The following ZNF564 variants were observed in gnomAD, a reference collection of about 807,000 sequenced individuals.
ZNF564 encodes the protein zinc finger protein 564.
A neutral mutation model predicts 10.5 loss-of-function variants in ZNF564; 5 were observed. That is an observed-to-expected ratio of 0.48 (90% confidence interval 0.25 to 1.00). The LOEUF (loss-of-function observed/expected upper bound fraction) is 1.00. Among genes scored for constraint, ZNF564 ranks in the 50% least tolerant of loss-of-function variants. The probability of loss-of-function intolerance (pLI) is 0.16; values close to 1 mark genes in which losing one functional copy is unlikely to be tolerated. For missense variants in ZNF564, 603 were observed against 669.7 expected, an observed-to-expected ratio of 0.90 and a Z score of 1.10; for synonymous variants, 242 against 218.1, an observed-to-expected ratio of 1.11 and a Z score of -0.97.
Position 12,545,412 on chromosome 19 carries a change from T to C in ZNF564, c.3+5918A>G, listed in dbSNP as rs190381601. ...GGAGTCAGTTTAAGGTTCTGACCTC[T>C]GGTGTCCTTTCTGTGACACCCGAAG... On this transcript the variant is annotated intron_variant, in intron 1 of 3. Transcript: ENST00000339282. Among the ~76,000 whole-genome samples the C allele has an allele frequency of 2.0e-5, 3 of 152,284 alleles. No homozygotes were observed. The East Asian group carries it at 5.8e-4, about 29-fold the overall frequency.
intron 3 of ZNF564, 27 bp downstream of exon 3, chr19:12,528,277 T>C (rs1459648288): frequency 1.3e-6 from 2 of 1,591,410 alleles, no homozygotes; most frequent in African/African-American, 1.4e-5. Flanking sequence ...GAAGGAGACA[T>C]TGCTTTATCT....
chr19:12,551,379 G>C lies in ZNF564; in HGVS notation c.-47C>G, dbSNP rs920010244. 47 of 1,574,484 alleles carry C rather than the reference G, an allele frequency of 3.0e-5. No homozygotes were observed. The highest frequency in any genetic ancestry group is 4.0e-5 in the Non-Finnish European group (47 of 1,160,774). On this transcript the variant is annotated 5_prime_UTR_variant, in exon 1 of 4. Transcript: ENST00000339282. The stretch of plus-strand genomic sequence containing the variant: ...CGGGGTCCTGCCTACGGCTCTCTCC[G>C]GCCTGTGCAGGTCCCAGCGCGCCAG...
intron 1 of ZNF564, among the ~76,000 whole-genome samples, chr19:12,532,407 C>G (rs1284893102): frequency 6.7e-6 from 1 of 150,196 alleles, no homozygotes; most frequent in Non-Finnish European, 1.5e-5. Flanking sequence ...TGGTAGCAGG[C>G]GCCTGTAGTC....
rs2021680369 is a variant in ZNF564 at position 12,526,357 on chromosome 19, G to A, written c.*89C>T. The A allele has an allele frequency of 5.3e-6, 7 of 1,314,748 alleles. No homozygotes were observed. Among genetic ancestry groups the A allele is most frequent in the Admixed American group, 2.4e-5 (1 of 42,386 alleles). 81.4% of individuals were successfully genotyped at this position (1,314,748 alleles called of 1,614,324 possible). A position where few individuals can be genotyped will look rare whatever the true frequency, so the allele number is the denominator to read the frequency against. On this transcript the variant is annotated 3_prime_UTR_variant, in exon 4 of 4. Coordinates refer to ENST00000339282, the MANE Select transcript of ZNF564 (RefSeq NM_144976.4). ...AAAGTGAGAAACAGGAGAAAGGGGT[G>A]AGCTCCCAAACAAGTCTGAAACCCA... is the stretch of plus-strand genomic sequence containing the variant.
chr19:12,545,448 G>A (rs924357741), intron 1 of ZNF564, among the ~76,000 whole-genome samples: 2 of 151,852 alleles, frequency 1.3e-5, no homozygotes, highest in African/African-American at 2.4e-5. Flanking sequence ...TGTAAACACC[G>A]ACCAGTTCTA....
At chr19:12,531,365 G>C (rs570195734) in intron 1 of ZNF564, among the ~76,000 whole-genome samples, 42 of 151,992 alleles carry the variant, frequency 2.8e-4, no homozygotes, top group Non-Finnish European at 5.1e-4. Context: ...TTAGGAGTTT[G>C]AGTCTGACCT....
At position 12,528,614 on chromosome 19, in the gene ZNF564, T is replaced by TAC; in HGVS notation, c.85_86insGT (p.Tyr29CysfsTer5). 3 of 1,614,062 alleles carry TAC rather than the reference T, an allele frequency of 1.9e-6. No homozygotes were observed. The highest frequency in any genetic ancestry group is 2.5e-6 in the Non-Finnish European group (3 of 1,180,006). ...AAAGGTTTCCCGCATCACATCTCTGTAGAGTTTCTTCTGGGAAGGATCCAG... is the reference window on the plus strand; with the variant it reads ...AAAGGTTTCCCGCATCACATCTCTGTACAGAGTTTCTTCTGGGAAGGATCCAG... On this transcript the variant is annotated frameshift_variant, in exon 2 of 4. Coordinates refer to ENST00000339282, the MANE Select transcript of ZNF564 (RefSeq NM_144976.4). LOFTEE classifies it high-confidence loss of function.
intron 1 of ZNF564, among the ~76,000 whole-genome samples, chr19:12,545,736 G>A (rs535489647): frequency 1.3e-5 from 2 of 152,104 alleles, no homozygotes; most frequent in Non-Finnish European, 2.9e-5. Flanking sequence ...GGGAAAGGGG[G>A]GTGGATATAG....
chr19:12,548,925 C>T (rs1258765336), intron 1 of ZNF564: 18 of 700,070 alleles, frequency 2.6e-5, no homozygotes, highest in African/African-American at 5.3e-5. Context: ...GAAATGTATT[C>T]GTTTCTCTGT....
At chr19:12,549,927 G>T (rs1277467441) in intron 1 of ZNF564, among the ~76,000 whole-genome samples, 1 of 152,186 alleles carries the variant, frequency 6.6e-6, no homozygotes, top group East Asian at 1.9e-4. Context: ...TTCCAAAGGG[G>T]AAACTCCACC....
Position 12,527,372 on chromosome 19 carries a change from T to G in ZNF564, c.736A>C (p.Arg246=). Residue 246 remains arginine, a synonymous_variant, in exon 4 of 4, where the codon AGG becomes CGG. Coordinates refer to ENST00000339282, the MANE Select transcript of ZNF564 (RefSeq NM_144976.4). ...SLPSFQRHMI[R]HTGDGPYKCQ... is the part of the protein sequence containing the mutation. ...TTATAAGGTCCATCTCCAGTGTGCC[T>G]AATCATGTGTCTTTGAAAACTTGGA... 6.2e-7 allele frequency: 1 copy of G among 1,614,144 alleles called. No individual in the cohort carries two copies. Among genetic ancestry groups the G allele is most frequent in the South Asian group, 1.1e-5 (1 of 91,070 alleles).
At chr19:12,532,179 A>G (rs1481320472) in intron 1 of ZNF564, among the ~76,000 whole-genome samples, 1 of 151,898 alleles carries the variant, frequency 6.6e-6, no homozygotes, top group Admixed American at 6.6e-5. Context: ...TATTGTGAAT[A>G]GACCCTGCAC....
chr19:12,539,149 G>A (rs532226820), intron 1 of ZNF564, among the ~76,000 whole-genome samples: 31 of 149,362 alleles, frequency 2.1e-4, no homozygotes, highest in African/African-American at 7.4e-4. Flanking sequence ...CAGAAGAATC[G>A]CTTGAATCTA....
In ZNF564 at chr19:12,526,249, C is replaced by T. The variant is rs911814329; in HGVS notation, c.*197G>A. ...CAATTCATGCTGAGGCAAAATTCTT[C>T]TTCAGCTCCGAACCGGTGAAAACCA... On this transcript the variant is annotated 3_prime_UTR_variant, in exon 4 of 4. Coordinates refer to ENST00000339282, the MANE Select transcript of ZNF564 (RefSeq NM_144976.4). 7.7e-6 allele frequency: 4 copies of T among 519,794 alleles called. No homozygotes were observed. The highest frequency in any genetic ancestry group is 3.7e-5 in the Admixed American group (1 of 27,160). The allele number at this position is 519,794 out of a possible 1,614,324, so 32.2% of individuals were successfully genotyped here. A position where few individuals can be genotyped will look rare whatever the true frequency, so the allele number is the denominator to read the frequency against.
chr19:12,540,320 C>G (rs1483299005), intron 1 of ZNF564, among the ~76,000 whole-genome samples: 3 of 152,166 alleles, frequency 2.0e-5, no homozygotes, highest in Non-Finnish European at 2.9e-5. Flanking sequence ...ATGTAGTTTC[C>G]TCATATGCAA....
At chr19:12,551,284 A>C (rs757685780) in intron 1 of ZNF564, 46 bp downstream of exon 1, 1 of 1,593,232 alleles carries the variant, frequency 6.3e-7, no homozygotes, top group East Asian at 2.3e-5. Context: ...GCCGGTTCCC[A>C]CAAGCCCCTC....
chr19:12,543,297 G>A (rs373985104), intron 1 of ZNF564, among the ~76,000 whole-genome samples: 5 of 123,704 alleles, frequency 4.0e-5, no homozygotes, highest in African/African-American at 9.2e-5. Flanking sequence ...GTGAAACTTC[G>A]TCTCAGAAAA....
intron 1 of ZNF564, among the ~76,000 whole-genome samples, chr19:12,532,703 G>A (rs1282590388): frequency 6.6e-6 from 1 of 151,696 alleles, no homozygotes; most frequent in Non-Finnish European, 1.5e-5. Flanking sequence ...CAGCCTGGGA[G>A]ACACAGTGAG....
chr19:12,547,339 G>C (rs1599288502), intron 1 of ZNF564, among the ~76,000 whole-genome samples: 1 of 152,156 alleles, frequency 6.6e-6, no homozygotes, highest in African/African-American at 2.4e-5. Flanking sequence ...ATAGATGTAA[G>C]CCGCCACTTC....
Sources: gnomAD v4.1 joint callset for allele counts (sites outside exome capture counted in the v4.1 genomes callset) on GRCh38, gnomAD v4.1.1 for gene constraint, MANE v1.5 for transcripts, NCBI Gene and HGNC (gene_info 2026-07-23, HGNC 2026-07-21) for gene names.